The following ARL15 variants were observed in gnomAD, a reference collection of about 807,000 sequenced individuals.
ARL15 encodes ADP-ribosylation factor-like protein 15.
A neutral mutation model predicts 25.2 loss-of-function variants in ARL15; 19 were observed. The ratio of observed to expected loss-of-function variants is 0.75; its 90% CI spans 0.53 to 1.10. The LOEUF (loss-of-function observed/expected upper bound fraction) is 1.10, where lower values mean the gene tolerates loss of function less well. Ranked by LOEUF, ARL15 falls within the 50% of genes least tolerant of loss-of-function variation. ARL15 has a pLI of 0.00. For missense variants in ARL15, 220 were observed against 246.0 expected (o/e 0.89, Z 0.71); for synonymous variants, 94 against 86.8 (o/e 1.08, Z -0.46).
At chr5:54,151,459 G>A (rs1192625016) in intron 3 of ARL15, among the ~76,000 whole-genome samples, 3 of 152,180 alleles carry the variant, frequency 2.0e-5, no homozygotes, top group African/African-American at 4.8e-5. Flanking sequence ...GCTGTGCTTA[G>A]ATCTTTCATT....
intron 1 of ARL15, chr5:54,308,061 G>T (rs1228591543): frequency 6.6e-6 from 1 of 152,184 alleles, no homozygotes; most frequent in Admixed American, 6.5e-5. Context: ...GCCACACAGA[G>T]TATGCATAAG....
At chr5:54,020,261 A>C (rs1749553650) in intron 4 of ARL15, among the ~76,000 whole-genome samples, 1 of 152,164 alleles carries the variant, frequency 6.6e-6, no homozygotes, top group Non-Finnish European at 1.5e-5. Context: ...GAGCAGTGTC[A>C]GCGGAGGCCT....
chr5:54,273,194 A>G (rs1017994744), intron 1 of ARL15, among the ~76,000 whole-genome samples: 3 of 152,194 alleles, frequency 2.0e-5, no homozygotes, highest in Admixed American at 6.5e-5. Flanking sequence ...GAAAAATAAG[A>G]GATATAGTAG....
chr5:54,110,431 G>A (rs956051497), intron 4 of ARL15, among the ~76,000 whole-genome samples: 1 of 151,988 alleles, frequency 6.6e-6, no homozygotes, highest in African/African-American at 2.4e-5. Context: ...TAATTTCAAT[G>A]GAGTGAGAAG....
chr5:54,245,333 T>C (rs1377775689), intron 1 of ARL15, among the ~76,000 whole-genome samples: 1 of 152,196 alleles, frequency 6.6e-6, no homozygotes, highest in African/African-American at 2.4e-5. Flanking sequence ...TGGGCAGAAA[T>C]CAGACTTCAG....
intron 4 of ARL15, among the ~76,000 whole-genome samples, chr5:54,090,024 A>G (rs1752085710): frequency 1.3e-5 from 2 of 152,194 alleles, no homozygotes; most frequent in Admixed American, 1.3e-4. Flanking sequence ...GGTAGTACCT[A>G]ATAAGGTTGG....
chr5:54,297,689 C>T (rs1046999085), intron 1 of ARL15, among the ~76,000 whole-genome samples: 1 of 152,168 alleles, frequency 6.6e-6, no homozygotes, highest in African/African-American at 2.4e-5. Context: ...ATTGTCTGAC[C>T]ACATTGAACT....
chr5:53,938,579 C>A (rs931987973), intron 4 of ARL15, among the ~76,000 whole-genome samples: 4 of 152,210 alleles, frequency 2.6e-5, no homozygotes, highest in African/African-American at 9.7e-5. Flanking sequence ...GTAATCCCAG[C>A]ACTTGGGAGA....
At chr5:54,101,357 C>T (rs1752433251) in intron 4 of ARL15, among the ~76,000 whole-genome samples, 2 of 152,000 alleles carry the variant, frequency 1.3e-5, no homozygotes, top group East Asian at 3.9e-4. Context: ...TTTTGTATTC[C>T]ATTTTTAACA....
At chr5:54,026,293 G>A (rs1749784784) in intron 4 of ARL15, among the ~76,000 whole-genome samples, 1 of 152,030 alleles carries the variant, frequency 6.6e-6, no homozygotes, top group African/African-American at 2.4e-5. Context: ...TTTTGAGACA[G>A]GGTCTCACTC....
At position 54,002,118 on chromosome 5, in the gene ARL15, C is replaced by T. The variant is rs117931655; in HGVS notation, c.462+111084G>A. Reference sequence around the variant, plus strand: ...TACGTATCTTACAAGACTTCAGGTTCAACAGTTTTCTTTTTCCCATTTTGG... The same window carrying T: ...TACGTATCTTACAAGACTTCAGGTTTAACAGTTTTCTTTTTCCCATTTTGG... On this transcript the variant is annotated intron_variant, in intron 4 of 4. Coordinates refer to ENST00000504924, the MANE Select transcript of ARL15 (RefSeq NM_019087.3). 3.5e-4 allele frequency among the ~76,000 whole-genome samples: 53 copies of T among 151,848 alleles called. No homozygotes were observed. In the East Asian group the frequency reaches 9.8e-3, roughly 28 times the overall value.
intron 1 of ARL15, among the ~76,000 whole-genome samples, chr5:54,290,450 G>A (rs1758294818): frequency 6.6e-6 from 1 of 151,856 alleles, no homozygotes; most frequent in Non-Finnish European, 1.5e-5. Flanking sequence ...TGGGATTACA[G>A]GTGAGTGCCA....
intron 1 of ARL15, among the ~76,000 whole-genome samples, chr5:54,251,794 G>T (rs1328409617): frequency 2.0e-5 from 3 of 152,156 alleles, no homozygotes; most frequent in African/African-American, 7.2e-5. Flanking sequence ...TAGAGCAGTG[G>T]TTCTCAGCCT....
intron 4 of ARL15, among the ~76,000 whole-genome samples, chr5:54,055,605 C>G (rs939942519): frequency 6.6e-6 from 1 of 152,072 alleles, no homozygotes; most frequent in Non-Finnish European, 1.5e-5. Context: ...AGGTGATCCA[C>G]CCGTCTCGGC....
intron 1 of ARL15, among the ~76,000 whole-genome samples, chr5:54,194,649 A>G (rs1470372150): frequency 6.6e-6 from 1 of 152,204 alleles, no homozygotes; most frequent in East Asian, 1.9e-4. Context: ...AGACCTGGCA[A>G]AAAAAGAAAC....
chr5:54,164,540 T>C (rs1184623205), intron 2 of ARL15, among the ~76,000 whole-genome samples: 3 of 152,096 alleles, frequency 2.0e-5, no homozygotes, highest in African/African-American at 7.2e-5. Flanking sequence ...TATTTTTAAG[T>C]TCTGTTAGGT....
chr5:54,127,133 G>T (rs1209058096), intron 3 of ARL15, among the ~76,000 whole-genome samples: 1 of 152,102 alleles, frequency 6.6e-6, no homozygotes, highest in East Asian at 1.9e-4. Flanking sequence ...TGAGAATGAT[G>T]ATTTCCAATT....
chr5:54,252,941 T>G (rs1485400715), intron 1 of ARL15, among the ~76,000 whole-genome samples: 1 of 151,868 alleles, frequency 6.6e-6, no homozygotes, highest in Non-Finnish European at 1.5e-5. Context: ...CCCAGGCTGG[T>G]CACAAACTCC....
At chr5:54,079,816 A>G (rs1006208142) in intron 4 of ARL15, among the ~76,000 whole-genome samples, 1 of 152,098 alleles carries the variant, frequency 6.6e-6, no homozygotes, top group African/African-American at 2.4e-5. Flanking sequence ...CTAAAAATAC[A>G]AAAAATAGCC....
Sources: gnomAD v4.1 joint callset for allele counts (sites outside exome capture counted in the v4.1 genomes callset) on GRCh38, gnomAD v4.1.1 for gene constraint, MANE v1.5 for transcripts, NCBI Gene and HGNC (gene_info 2026-07-23, HGNC 2026-07-21) for gene names.